NF1: variants seen among roughly 807,000 people sequenced by gnomAD.
NF1 encodes neurofibromin.
Under a neutral mutation model 325.7 loss-of-function variants are expected in NF1, and 122 were observed. That is an observed-to-expected ratio of 0.37 (90% confidence interval 0.32 to 0.44). NF1 has a LOEUF of 0.44. Ranked by LOEUF, NF1 falls within the 20% of genes least tolerant of loss-of-function variation. The pLI is 1.00. For missense variants in NF1, 2,140 were observed against 3,415.4 expected (o/e 0.63, Z 9.31); for synonymous variants, 1,091 against 1,186.0 (o/e 0.92, Z 1.65).
At chr17:31,285,697 G>T (rs2068213086) in intron 36 of NF1, among the ~76,000 whole-genome samples, 1 of 152,140 alleles carries the variant, frequency 6.6e-6, no homozygotes, top group Admixed American at 6.5e-5. Context: ...CAAAAAATTA[G>T]TAGAGTGTGG....
At chr17:31,280,232 A>G (rs1177352510) in intron 36 of NF1, among the ~76,000 whole-genome samples, 7 of 150,454 alleles carry the variant, frequency 4.7e-5, no homozygotes, top group Non-Finnish European at 7.4e-5. Context: ...TTTAAAAAAG[A>G]AAGAAATGTA....
intron 48 of NF1, among the ~76,000 whole-genome samples, chr17:31,344,319 T>G (rs1397742199): frequency 1.3e-5 from 2 of 152,206 alleles, no homozygotes; most frequent in Non-Finnish European, 2.9e-5. Flanking sequence ...GTTGCTGACT[T>G]CACAGCTTGT....
intron 36 of NF1, among the ~76,000 whole-genome samples, chr17:31,299,873 GT>G (rs5819924): frequency 0.43 from 65,151 of 151,710 alleles, 16,245 homozygotes; most frequent in African/African-American, 0.69. Context: ...TCATCTTGGA[GT>G]TTTCTCTTTG....
intron 5 of NF1, among the ~76,000 whole-genome samples, chr17:31,180,622 A>C (rs953773434): frequency 6.6e-6 from 1 of 152,212 alleles, no homozygotes; most frequent in Non-Finnish European, 1.5e-5. Context: ...ATTTATGACA[A>C]ACCCACAGCC....
chr17:31,266,878 C>T (rs1322011533), intron 36 of NF1, among the ~76,000 whole-genome samples: 1 of 151,590 alleles, frequency 6.6e-6, no homozygotes, highest in Non-Finnish European at 1.5e-5. Flanking sequence ...CCTATTGAGT[C>T]TTGTGGCCTG....
intron 39 of NF1, among the ~76,000 whole-genome samples, chr17:31,332,261 C>T (rs532404816): frequency 1.5e-4 from 23 of 152,074 alleles, no homozygotes; most frequent in Non-Finnish European, 2.2e-4. Context: ...GTAAGGAGTT[C>T]GAGACCAGCC....
At chr17:31,229,587 G>A in intron 21 of NF1, 122 bp downstream of exon 21, 1 of 1,236,702 alleles carries the variant, frequency 8.1e-7, no homozygotes. Context: ...CCAAAAAATT[G>A]CAGAAAGAAG....
intron 39 of NF1, chr17:31,331,442 A>G (rs929353680): frequency 6.6e-6 from 1 of 152,208 alleles, no homozygotes; most frequent in Non-Finnish European, 1.5e-5. Flanking sequence ...ATGATTCTAA[A>G]TTCTACATAA....
chr17:31,365,202 C>G (rs1002837980), intron 57 of NF1, among the ~76,000 whole-genome samples: 2 of 148,854 alleles, frequency 1.3e-5, no homozygotes, highest in Non-Finnish European at 3.0e-5. Flanking sequence ...GGAGAATCAC[C>G]TGAGCCGGAG....
In NF1 at chr17:31,340,638, A is replaced by G. The variant is rs763082717; in HGVS notation, c.7055A>G (p.Asn2352Ser). The change falls in exon 47 of 58, where the codon AAT becomes AGT. Residue 2352 changes from asparagine to serine, a missense_variant. This residue lies in a region of NF1 where 522 missense variants were observed against 749.0 expected (regional missense o/e 0.70). Transcript: ENST00000358273. ...LHTLDSLRIF[N>S]DKSPEEVFMA... ...ACTTTAGATAGTCTCCGTATATTCA[A>G]TGACAAGGTAAGCAAACTTTGCCTT... The G allele has an allele frequency of 5.0e-6, 8 of 1,614,142 alleles. No homozygotes were observed. The highest frequency in any genetic ancestry group is 6.8e-6 in the Non-Finnish European group (8 of 1,179,996).
intron 36 of NF1, chr17:31,321,082 C>A (rs2069175938): frequency 6.6e-6 from 1 of 152,144 alleles, no homozygotes; most frequent in Non-Finnish European, 1.5e-5. Context: ...GAATTGAGGA[C>A]TGTTTTTACT....
rs530161147 is a variant in NF1, at chr17:31,142,591, G to A, written c.61-13392G>A. On this transcript the variant is annotated intron_variant, in intron 1 of 57. Coordinates refer to ENST00000358273, the MANE Select transcript of NF1 (RefSeq NM_001042492.3). ...ATTAATGAGGCCGGAAATGAGGCCG[G>A]GCACTGTGGCTCATGCCTGTAATCC... Among the ~76,000 whole-genome samples the A allele has an allele frequency of 4.6e-5, 7 of 152,226 alleles. No homozygotes were observed. The South Asian group carries it at 1.5e-3, about 32-fold the overall frequency.
intron 38 of NF1, among the ~76,000 whole-genome samples, chr17:31,328,360 A>G (rs995804840): frequency 6.6e-6 from 1 of 152,210 alleles, no homozygotes; most frequent in African/African-American, 2.4e-5. Flanking sequence ...TTGAATATGC[A>G]TGTGGAAAGA....
At chr17:31,350,059 C>A (rs1270520008) in intron 49 of NF1, 124 bp from the exon 50 acceptor site, 2 of 1,003,572 alleles carry the variant, frequency 2.0e-6, no homozygotes, top group African/African-American at 1.6e-5. Flanking sequence ...TTTATGTAGT[C>A]TTCCAAAATA....
intron 36 of NF1, among the ~76,000 whole-genome samples, chr17:31,317,382 CACACACACACACACACACACA>C (rs1432600083): frequency 6.6e-6 from 1 of 151,324 alleles, no homozygotes; most frequent in African/African-American, 2.4e-5. Context: ...CACACACACA[CACACACACACACACACACACA>C]CCCCTAATAA....
At chr17:31,120,748 T>G (rs1914354954) in intron 1 of NF1, among the ~76,000 whole-genome samples, 1 of 151,702 alleles carries the variant, frequency 6.6e-6, no homozygotes, top group Non-Finnish European at 1.5e-5. Flanking sequence ...GTAACAAACC[T>G]GCACATTCTG....
intron 20 of NF1, 32 bp from the exon 21 acceptor site, chr17:31,228,993 A>G: frequency 2.6e-6 from 4 of 1,567,954 alleles, no homozygotes; most frequent in Non-Finnish European, 3.5e-6. Flanking sequence ...TTAAGGTTTA[A>G]TTCATGCTTT....
At chr17:31,108,254 A>G (rs1913054836) in intron 1 of NF1, among the ~76,000 whole-genome samples, 1 of 148,580 alleles carries the variant, frequency 6.7e-6, no homozygotes, top group Non-Finnish European at 1.5e-5. Flanking sequence ...CCAACATAAA[A>G]GTAGAGAGTT....
intron 29 of NF1, among the ~76,000 whole-genome samples, chr17:31,238,868 CA>C (rs916401436): frequency 7.9e-5 from 12 of 152,052 alleles, no homozygotes; most frequent in African/African-American, 2.9e-4. Context: ...CCAGGGACAA[CA>C]AAAGAGACAG....
Sources: allele counts gnomAD v4.1 joint callset (sites outside exome capture counted in the v4.1 genomes callset), GRCh38; gene constraint gnomAD v4.1.1; regional missense constraint gnomAD v4.1.1; transcripts MANE v1.5; gene names NCBI Gene and HGNC (gene_info 2026-07-23, HGNC 2026-07-21).